SYNE2: variants seen among roughly 807,000 people sequenced by gnomAD.
SYNE2 encodes spectrin repeat containing nuclear envelope protein 2, also known as nesprin-2.
A neutral mutation model predicts 856.3 loss-of-function variants in SYNE2; 431 were observed. The observed-to-expected ratio is 0.50, with a 90% CI of 0.47 to 0.55. The LOEUF is 0.55. SYNE2 is among the 20% of genes least tolerant of loss of function. The pLI, the probability that SYNE2 is intolerant of heterozygous loss-of-function variation, is 0.00. For synonymous variants in SYNE2, 2,923 were observed against 2,872.3 expected (o/e 1.02, Z -0.56); for missense variants, 8,129 against 8,023.2 (o/e 1.01, Z -0.50).
At chr14:63,960,075 C>T (rs1339515077) in intron 8 of SYNE2, among the ~76,000 whole-genome samples, 1 of 152,132 alleles carries the variant, frequency 6.6e-6, no homozygotes, top group Non-Finnish European at 1.5e-5. Flanking sequence ...CACATTTAAT[C>T]TTCACGTGTG....
chr14:63,990,902 T>G lies in SYNE2; in HGVS notation c.2473-40T>G, dbSNP rs769485570. On this transcript the variant is annotated intron_variant, in intron 20 of 115. Coordinates refer to ENST00000555002, the MANE Select transcript of SYNE2 (RefSeq NM_182914.3). Reference sequence around the variant, plus strand: ...TGTTAACTTAAGAATTTATTAAGAATTGGTCCCCGTGTTAATTTGAGAATT... The same window carrying G: ...TGTTAACTTAAGAATTTATTAAGAAGTGGTCCCCGTGTTAATTTGAGAATT... 4 of 1,549,358 alleles carry G rather than the reference T, an allele frequency of 2.6e-6. No individual in the cohort carries two copies. In the East Asian group the frequency reaches 9.0e-5, roughly 35 times the overall value.
chr14:64,144,405 C>T (rs536845996), intron 83 of SYNE2, among the ~76,000 whole-genome samples: 2 of 152,252 alleles, frequency 1.3e-5, no homozygotes, highest in East Asian at 3.9e-4. Context: ...AAATACTTTA[C>T]ATATAATCAT....
At chr14:64,094,671 G>T (rs2097661670) in intron 61 of SYNE2, among the ~76,000 whole-genome samples, 1 of 152,062 alleles carries the variant, frequency 6.6e-6, no homozygotes, top group Non-Finnish European at 1.5e-5. Flanking sequence ...TTAAATGGTG[G>T]ATCAATAATT....
intron 2 of SYNE2, among the ~76,000 whole-genome samples, chr14:63,920,382 G>T (rs2095585598): frequency 6.6e-6 from 1 of 151,784 alleles, no homozygotes; most frequent in African/African-American, 2.4e-5. Context: ...AGAAGATGCT[G>T]CGGGCAGGAG....
chr14:63,824,126 C>A (rs1230340646), intron 1 of SYNE2, among the ~76,000 whole-genome samples: 1 of 152,146 alleles, frequency 6.6e-6, no homozygotes, highest in Non-Finnish European at 1.5e-5. Context: ...ATCACTTGAG[C>A]TCAGAAGTTA....
intron 48 of SYNE2, among the ~76,000 whole-genome samples, chr14:64,055,600 C>T (rs917520393): frequency 7.2e-5 from 11 of 151,974 alleles, no homozygotes; most frequent in Non-Finnish European, 1.5e-4. Context: ...AACTCTGGAC[C>T]TCGTGATCCA....
intron 34 of SYNE2, 89 bp downstream of exon 34, chr14:64,017,845 C>G (rs2096905257): frequency 7.7e-7 from 1 of 1,301,572 alleles, no homozygotes; most frequent in Admixed American, 1.8e-5. Flanking sequence ...CATTAGGATG[C>G]TCATATGTGA....
intron 99 of SYNE2, chr14:64,190,929 G>A (rs935419155): frequency 1.4e-6 from 1 of 701,542 alleles, no homozygotes; most frequent in African/African-American, 1.7e-5. Flanking sequence ...AACTCCAGGT[G>A]GATGTTTTTT....
rs1194033657 is a variant in SYNE2 at position 64,055,961 on chromosome 14, T to C, written c.9762T>C (p.Ala3254=). The change falls in exon 49 of 116, where the codon GCT becomes GCC. Residue 3254 remains alanine (A), a synonymous_variant. Transcript: ENST00000555002. The part of the protein sequence containing the change: ...IDLRTNVLND[A]YENLTRYKEA... Reference sequence around the variant, plus strand: ...TTCACTAGAATGTCTTGAATGATGCTTATGAAAATCTAACACGCTATAAAG... The same window carrying C: ...TTCACTAGAATGTCTTGAATGATGCCTATGAAAATCTAACACGCTATAAAG... 1 of 1,613,736 alleles carries C rather than the reference T, an allele frequency of 6.2e-7. No homozygotes were observed. The highest frequency in any genetic ancestry group is 1.3e-5 in the African/African-American group (1 of 74,936).
chr14:64,045,215 C>G (rs4617770), intron 45 of SYNE2, among the ~76,000 whole-genome samples: 110,056 of 152,044 alleles, frequency 0.72, 42,851 homozygotes, highest in Non-Finnish European at 0.87. Flanking sequence ...AACAATTAAA[C>G]TTTTGGGGGT....
At chr14:64,113,299 G>A (rs1197846309) in intron 65 of SYNE2, 42 bp from the exon 66 acceptor site, 16 of 1,612,262 alleles carry the variant, frequency 9.9e-6, no homozygotes, top group African/African-American at 1.3e-5. Context: ...GCCCAAGTCT[G>A]AAAACTTTGG....
chr14:63,799,945 A>G (rs1309199469), intron 1 of SYNE2, among the ~76,000 whole-genome samples: 1 of 152,220 alleles, frequency 6.6e-6, no homozygotes, highest in Non-Finnish European at 1.5e-5. Flanking sequence ...CTTCAACGGG[A>G]CATCAGGAAG....
chr14:64,136,988 C>T (rs1005980852), intron 78 of SYNE2, among the ~76,000 whole-genome samples: 5 of 152,184 alleles, frequency 3.3e-5, no homozygotes, highest in African/African-American at 1.2e-4. Flanking sequence ...CCCTTTGCCA[C>T]ATGAGATGCA....
chr14:64,085,193 C>T (rs1400292847), intron 57 of SYNE2: 4 of 539,876 alleles, frequency 7.4e-6, no homozygotes, highest in African/African-American at 5.7e-5. Context: ...CCACCTTAGC[C>T]TCCCAGGTAG....
At chr14:63,816,485 T>G (rs1889000007) in intron 1 of SYNE2, among the ~76,000 whole-genome samples, 1 of 152,160 alleles carries the variant, frequency 6.6e-6, no homozygotes, top group Non-Finnish European at 1.5e-5. Context: ...CTTGGTATAC[T>G]GAATAACAGC....
intron 1 of SYNE2, among the ~76,000 whole-genome samples, chr14:63,823,476 C>G (rs992297937): frequency 6.6e-6 from 1 of 151,874 alleles, no homozygotes; most frequent in Non-Finnish European, 1.5e-5. Context: ...CACACCCAGC[C>G]CAAGTCTACC....
intron 105 of SYNE2, among the ~76,000 whole-genome samples, chr14:64,213,756 A>G (rs768481443): frequency 6.6e-6 from 1 of 152,134 alleles, no homozygotes; most frequent in African/African-American, 2.4e-5. Context: ...ACACTGAGCA[A>G]TTAAGTTGGA....
rs1335047910 is a variant in SYNE2, at chr14:64,136,304, A to C, written c.14647-1483A>C. Among the ~76,000 whole-genome samples the C allele has an allele frequency of 1.1e-4, 16 of 151,852 alleles. No individual in the cohort carries two copies. The East Asian group carries it at 3.1e-3, about 29-fold the overall frequency. ...GACTTCATCTCAAAAAAAAAAAAAA[A>C]AAAAAAAAATTGGGGGGTGAATTAA... is the stretch of plus-strand genomic sequence containing the variant. On this transcript the variant is annotated intron_variant, in intron 78 of 115. Transcript: ENST00000555002.
chr14:64,118,990 A>G (rs1234430414), intron 66 of SYNE2, among the ~76,000 whole-genome samples: 1 of 152,164 alleles, frequency 6.6e-6, no homozygotes, highest in Non-Finnish European at 1.5e-5. Flanking sequence ...TAATGACCTT[A>G]GGAGGTGAGT....
Sources: allele counts gnomAD v4.1 joint callset (sites outside exome capture counted in the v4.1 genomes callset), GRCh38; gene constraint gnomAD v4.1.1; transcripts MANE v1.5; gene names NCBI Gene and HGNC (gene_info 2026-07-23, HGNC 2026-07-21).